Variants in ASTN2 observed in about 807,000 individuals in gnomAD.
ASTN2 encodes astrotactin-2.
Under a neutral mutation model 139.8 loss-of-function variants are expected in ASTN2, and 54 were observed. The observed-to-expected ratio is 0.39, with a 90% CI of 0.31 to 0.48. The LOEUF is 0.48. Among genes scored for constraint, ASTN2 ranks in the 20% least tolerant of loss-of-function variants. The probability of loss-of-function intolerance (pLI) is 0.95; values close to 1 mark genes in which losing one functional copy is unlikely to be tolerated. For missense variants in ASTN2, 1,565 were observed against 1,725.1 expected, an observed-to-expected ratio of 0.91 and a Z score of 1.64; for synonymous variants, 756 against 719.5, an observed-to-expected ratio of 1.05 and a Z score of -0.81.
chr9:117,218,507 G>T (rs1002861623), intron 2 of ASTN2, among the ~76,000 whole-genome samples: 1 of 152,144 alleles, frequency 6.6e-6, no homozygotes, highest in Non-Finnish European at 1.5e-5. Context: ...GGCTTCTAAA[G>T]AACTCAGGAG....
At chr9:116,471,431 C>T (rs148447065) in intron 20 of ASTN2, among the ~76,000 whole-genome samples, 2,637 of 152,254 alleles carry the variant, frequency 0.017, 28 homozygotes, top group Non-Finnish European at 0.028. Context: ...GAAAACAGGG[C>T]CTCTCCCTCC....
intron 13 of ASTN2, among the ~76,000 whole-genome samples, chr9:116,776,901 G>C (rs373771204): frequency 6.6e-6 from 1 of 152,210 alleles, no homozygotes; most frequent in East Asian, 1.9e-4. Context: ...GACACCAGAG[G>C]TTCATGCAGA....
At chr9:117,018,167 G>A (rs12552728) in intron 6 of ASTN2, among the ~76,000 whole-genome samples, 31,884 of 151,946 alleles carry the variant, frequency 0.21, 3,569 homozygotes, top group South Asian at 0.34. Flanking sequence ...TATATTAGGT[G>A]CAATACCTTT....
intron 4 of ASTN2, among the ~76,000 whole-genome samples, chr9:117,096,962 G>C (rs1430208526): frequency 2.0e-5 from 3 of 152,194 alleles, no homozygotes; most frequent in African/African-American, 4.8e-5. Flanking sequence ...GGGAGGCCTT[G>C]GGTGCCAAAC....
At chr9:116,707,150 T>C (rs1161975741) in intron 16 of ASTN2, among the ~76,000 whole-genome samples, 1 of 151,742 alleles carries the variant, frequency 6.6e-6, no homozygotes, top group African/African-American at 2.4e-5. Flanking sequence ...TGCAGGCTGG[T>C]TGGTAGTCAC....
chr9:117,049,614 C>G (rs1838857617), intron 5 of ASTN2, among the ~76,000 whole-genome samples: 1 of 152,174 alleles, frequency 6.6e-6, no homozygotes, highest in East Asian at 1.9e-4. Context: ...AGGGGTTACC[C>G]TTCATTTACA....
chr9:116,429,395 G>A (rs1302914246), intron 22 of ASTN2, among the ~76,000 whole-genome samples: 1 of 146,648 alleles, frequency 6.8e-6, no homozygotes, highest in African/African-American at 2.5e-5. Flanking sequence ...GGTGTTAACT[G>A]TTTCCCACTG....
intron 3 of ASTN2, among the ~76,000 whole-genome samples, chr9:117,202,039 T>C (rs1484041754): frequency 1.3e-5 from 2 of 152,222 alleles, no homozygotes; most frequent in African/African-American, 2.4e-5. Context: ...TGGGTGCATA[T>C]ATATTCAGAA....
At chr9:116,760,256 C>T (rs1307959270) in intron 13 of ASTN2, among the ~76,000 whole-genome samples, 1 of 152,156 alleles carries the variant, frequency 6.6e-6, no homozygotes, top group African/African-American at 2.4e-5. Context: ...AGAAAGGCCT[C>T]CACTAAGCCA....
chr9:117,346,582 G>A (rs1829225352), intron 1 of ASTN2, among the ~76,000 whole-genome samples: 1 of 152,138 alleles, frequency 6.6e-6, no homozygotes, highest in African/African-American at 2.4e-5. Context: ...ACCAAATCAA[G>A]GACAGAATCT....
chr9:117,316,258 T>C (rs1828141116), intron 1 of ASTN2, among the ~76,000 whole-genome samples: 1 of 152,160 alleles, frequency 6.6e-6, no homozygotes, highest in South Asian at 2.1e-4. Flanking sequence ...TACCTTCTAG[T>C]AAGTCAGCTC....
chr9:116,443,697 G>A (rs774911118), intron 20 of ASTN2, among the ~76,000 whole-genome samples: 1 of 152,142 alleles, frequency 6.6e-6, no homozygotes, highest in East Asian at 1.9e-4. Context: ...GAGCCTTAGA[G>A]GCCAAGAACA....
intron 1 of ASTN2, among the ~76,000 whole-genome samples, chr9:117,376,527 G>T (rs980245649): frequency 1.3e-5 from 2 of 152,180 alleles, no homozygotes; most frequent in Admixed American, 1.3e-4. Context: ...GAAATACCAA[G>T]AAATATTTAG....
intron 19 of ASTN2, among the ~76,000 whole-genome samples, chr9:116,617,066 T>C (rs772598005): frequency 2.0e-5 from 3 of 152,232 alleles, no homozygotes; most frequent in Non-Finnish European, 4.4e-5. Flanking sequence ...CAGTCTGTTC[T>C]GTCTCTTTCA....
intron 20 of ASTN2, among the ~76,000 whole-genome samples, chr9:116,475,274 C>A (rs779990747): frequency 6.6e-6 from 1 of 152,146 alleles, no homozygotes; most frequent in African/African-American, 2.4e-5. Flanking sequence ...CTGTGCCATG[C>A]CTAATTTACT....
chr9:116,774,297 C>T (rs1393858977), intron 13 of ASTN2, among the ~76,000 whole-genome samples: 2 of 152,130 alleles, frequency 1.3e-5, no homozygotes, highest in Admixed American at 6.5e-5. Context: ...AATGGAAGAA[C>T]AAGGACAAGA....
At chr9:116,639,020 G>GT (rs1215117889) in intron 17 of ASTN2, among the ~76,000 whole-genome samples, 1 of 152,212 alleles carries the variant, frequency 6.6e-6, no homozygotes, top group Admixed American at 6.5e-5. Context: ...AGAAGCAGAT[G>GT]TGAGAGGAGG....
chr9:117,130,555 C>A (rs566978671), intron 4 of ASTN2, among the ~76,000 whole-genome samples: 1 of 152,160 alleles, frequency 6.6e-6, no homozygotes, highest in Non-Finnish European at 1.5e-5. Flanking sequence ...TTCCTTAAGC[C>A]CGGGGGGCTT....
chr9:117,026,136 C>T (rs1407527721), intron 6 of ASTN2, among the ~76,000 whole-genome samples: 7 of 151,672 alleles, frequency 4.6e-5, no homozygotes, highest in Admixed American at 4.6e-4. Context: ...AAATATGTAG[C>T]CAAGAAGTAG....
Sources: gnomAD v4.1 joint callset for allele counts (sites outside exome capture counted in the v4.1 genomes callset) on GRCh38, gnomAD v4.1.1 for gene constraint, MANE v1.5 for transcripts, NCBI Gene and HGNC (gene_info 2026-07-23, HGNC 2026-07-21) for gene names.